The following GRWD1 variants were observed in gnomAD, a reference collection of about 807,000 sequenced individuals.
The protein encoded by GRWD1 is glutamate rich WD repeat containing 1.
In GRWD1, 29 loss-of-function variants were observed where a neutral mutation model predicts 45.3. The ratio of observed to expected loss-of-function variants is 0.64; its 90% CI spans 0.48 to 0.87. The LOEUF (loss-of-function observed/expected upper bound fraction) is 0.87, where lower values mean the gene tolerates loss of function less well. Among genes scored for constraint, GRWD1 ranks in the 40% least tolerant of loss-of-function variants. The pLI is 0.00. For missense variants in GRWD1, 592 were observed against 618.8 expected, an observed-to-expected ratio of 0.96 and a Z score of 0.46; for synonymous variants, 262 against 257.6, an observed-to-expected ratio of 1.02 and a Z score of -0.16.
At position 48,451,134 on chromosome 19, in the gene GRWD1, G is replaced by A; in HGVS notation, c.926G>A (p.Gly309Glu). Residue 309 changes from glycine (G) to glutamate (E), a missense_variant, in exon 6 of 7, where the codon GGG (glycine) becomes GAG (glutamate). Gly to Glu is a moderately conservative substitution (Grantham distance 98). Coordinates refer to ENST00000253237, the MANE Select transcript of GRWD1 (RefSeq NM_031485.4). ...CMLTTATAHD[G>E]DVNVISWSRR... Reference sequence around the variant, plus strand: ...CTCACCACAGCCACCGCCCATGATGGGGACGTCAATGTCATCAGCTGGAGC... The same window carrying A: ...CTCACCACAGCCACCGCCCATGATGAGGACGTCAATGTCATCAGCTGGAGC... 6.2e-7 allele frequency: 1 copy of A among 1,614,044 alleles called. No homozygotes were observed. Among genetic ancestry groups the A allele is most frequent in the Non-Finnish European group, 8.5e-7 (1 of 1,179,930 alleles).
chr19:48,453,229 G>C lies in GRWD1; in HGVS notation c.*204G>C, dbSNP rs1185271033. ...CACCAAAGAACTCGGTTTAACCAGG[G>C]CTCTGTAAGACCACTCCCACCCAGA... On this transcript the variant is annotated 3_prime_UTR_variant, in exon 7 of 7. Transcript: ENST00000253237. The C allele has an allele frequency of 1.8e-6, 1 of 549,806 alleles. No homozygotes were observed. The highest frequency in any genetic ancestry group is 1.9e-5 in the African/African-American group (1 of 52,568). 34.1% of individuals were successfully genotyped at this position (549,806 alleles called of 1,614,324 possible).
At position 48,446,419 on chromosome 19, in the gene GRWD1, T is replaced by C. The variant is rs1971403466; in HGVS notation, c.222T>C (p.Asp74=). 6.2e-7 allele frequency: 1 copy of C among 1,614,058 alleles called. No homozygotes were observed. Among genetic ancestry groups the C allele is most frequent in the African/African-American group, 1.3e-5 (1 of 74,914 alleles). The part of the protein sequence containing the change: ...APCLSFDIVR[D]HLGDNRTELP... ...GTCTCAGCTTTGACATAGTCCGGGA[T>C]CACCTGGGAGACAACCGGACAGAGC... Residue 74 remains aspartate, a synonymous_variant, in exon 2 of 7, where the codon GAT becomes GAC. Coordinates refer to ENST00000253237, the MANE Select transcript of GRWD1 (RefSeq NM_031485.4).
rs1440213856 is a variant in GRWD1, at chr19:48,451,062, C to G, written c.854C>G (p.Ser285Cys). ...TTTGCCTCCTGCTCAGCTGACGCCT[C>G]CATCCGCATCTGGGACATCCGGGCA... ...TVFASCSADASIRIWDIRAAP... is the reference protein window; with the variant it reads ...TVFASCSADACIRIWDIRAAP... The change falls in exon 6 of 7, where the codon TCC becomes TGC. Residue 285 changes from serine (S) to cysteine (C), a missense_variant. Physicochemically the swap from Ser to Cys is moderately radical, Grantham distance 112 (BLOSUM62 -1). Transcript: ENST00000253237. 6.2e-7 allele frequency: 1 copy of G among 1,613,912 alleles called. No homozygotes were observed. The highest frequency in any genetic ancestry group is 1.3e-5 in the African/African-American group (1 of 74,920).
chr19:48,446,271 G>A lies in GRWD1; in HGVS notation c.187+79G>A, dbSNP rs556206664. The stretch of plus-strand genomic sequence containing the variant: ...ACCTGAGAGGTGCTCGGGAAGAGAA[G>A]GCTGGGGTCTAAGAGAAGTGATTTC... On this transcript the variant is annotated intron_variant, in intron 1 of 6. Transcript: ENST00000253237. 2.6e-6 allele frequency: 4 copies of A among 1,565,402 alleles called. No individual in the cohort carries two copies. In the South Asian group the frequency reaches 3.4e-5, roughly 13 times the overall value.
In GRWD1 at chr19:48,454,871, G is replaced by GTCTCTCCCATCTCTC. The variant is rs1971520513; in HGVS notation, c.*1850_*1864dup. 6.6e-6 allele frequency: 1 copy of GTCTCTCCCATCTCTC among 151,370 alleles called. No individual in the cohort carries two copies. The highest frequency in any genetic ancestry group is 2.4e-5 in the African/African-American group (1 of 41,042). 9.4% of individuals were successfully genotyped at this position (151,370 alleles called of 1,614,324 possible). A position where few individuals can be genotyped will look rare whatever the true frequency, so the allele number is the denominator to read the frequency against. On this transcript the variant is annotated 3_prime_UTR_variant, in exon 7 of 7. Coordinates refer to ENST00000253237, the MANE Select transcript of GRWD1 (RefSeq NM_031485.4). Reference sequence around the variant, plus strand: ...GTCTCTGTCTCTCTCCCCCATCTCTGTCTCTCCCATCTCTCTCTGCCTCTC... The same window carrying GTCTCTCCCATCTCTC: ...GTCTCTGTCTCTCTCCCCCATCTCTGTCTCTCCCATCTCTCTCTCTCCCATCTCTCTCTGCCTCTC...
In GRWD1 at chr19:48,450,748, G is replaced by C. The variant is rs1287296025; in HGVS notation, c.765G>C (p.Arg255=). 6 of 1,613,934 alleles carry C rather than the reference G, an allele frequency of 3.7e-6. No homozygotes were observed. Among genetic ancestry groups the C allele is most frequent in the Admixed American group, 3.3e-5 (2 of 60,012 alleles). Reference sequence around the variant, plus strand: ...GCGGCTCCTGGCACGTGGACCAGCGGCCATTCGTGGGCCACACACGCTCTG... The same window carrying C: ...GCGGCTCCTGGCACGTGGACCAGCGCCCATTCGTGGGCCACACACGCTCTG... ...TDGGSWHVDQ[R]PFVGHTRSVE... is the part of the protein sequence containing the mutation. The change falls in exon 5 of 7, where the codon CGG becomes CGC. Residue 255 remains arginine, a synonymous_variant. Coordinates refer to ENST00000253237, the MANE Select transcript of GRWD1 (RefSeq NM_031485.4). This position sits in a 1 kb window ranked among gnomAD's most constrained non-coding sequence, Gnocchi z 5.1.
intron 3 of GRWD1, among the ~76,000 whole-genome samples, chr19:48,448,095 G>T (rs1290069637): frequency 1.3e-5 from 2 of 152,132 alleles, no homozygotes; most frequent in Non-Finnish European, 2.9e-5. Context: ...GGGATCACAA[G>T]TGCACACCAC....
rs565828207 is a variant in GRWD1 at position 48,452,770 on chromosome 19, C to T, written c.1086C>T (p.His362=). 1.0e-4 allele frequency: 162 copies of T among 1,606,398 alleles called. No homozygotes were observed. The South Asian group carries it at 1.7e-3, about 17-fold the overall frequency. ...HVAPVTSVEW[H]PQDSGVFAAS... ...CCCCCGTGACCTCCGTCGAGTGGCA[C>T]CCCCAGGACAGCGGGGTCTTTGCAG... Residue 362 remains histidine (H), a synonymous_variant, in exon 7 of 7, where the codon CAC becomes CAT. Transcript: ENST00000253237. The surrounding 1 kb of genome is among the most constrained non-coding windows in gnomAD (Gnocchi z 5.1).
chr19:48,448,176 C>T (rs1163147687), intron 3 of GRWD1, among the ~76,000 whole-genome samples: 6 of 152,128 alleles, frequency 3.9e-5, no homozygotes, highest in Non-Finnish European at 5.9e-5. Flanking sequence ...GTCTTGAACT[C>T]CTGAGCTCAA....
Position 48,455,407 on chromosome 19 carries a change from C to G in GRWD1, c.*2382C>G, listed in dbSNP as rs1041535913. ...GGAGGGTGAGGGTGGGGCCTGGGGG[C>G]GGGGCTTCTTGGCCTCAGATTAGAC... On this transcript the variant is annotated 3_prime_UTR_variant, in exon 7 of 7. Coordinates refer to ENST00000253237, the MANE Select transcript of GRWD1 (RefSeq NM_031485.4). 12 of 151,734 alleles carry G rather than the reference C, an allele frequency of 7.9e-5. No individual in the cohort carries two copies. The highest frequency in any genetic ancestry group is 2.9e-4 in the African/African-American group (12 of 41,436). The allele number at this position is 151,734 out of a possible 1,614,324, so 9.4% of individuals were successfully genotyped here. A position where few individuals can be genotyped will look rare whatever the true frequency, so the allele number is the denominator to read the frequency against.
chr19:48,453,415 G>T lies in GRWD1; in HGVS notation c.*390G>T, dbSNP rs769785843. ...TGCAGTAGCACGATCTTGGCTCACT[G>T]CAACCTCCGCCTCCTGGGTTAAAGT... On this transcript the variant is annotated 3_prime_UTR_variant, in exon 7 of 7. Coordinates refer to ENST00000253237, the MANE Select transcript of GRWD1 (RefSeq NM_031485.4). The T allele has an allele frequency of 4.2e-5, 7 of 166,920 alleles. No homozygotes were observed. The South Asian group carries it at 9.4e-4, about 22-fold the overall frequency. 10.3% of individuals were successfully genotyped at this position (166,920 alleles called of 1,614,324 possible).
In GRWD1 at chr19:48,453,069, A is replaced by G. The variant is rs760911016; in HGVS notation, c.*44A>G. On this transcript the variant is annotated 3_prime_UTR_variant, in exon 7 of 7. Coordinates refer to ENST00000253237, the MANE Select transcript of GRWD1 (RefSeq NM_031485.4). Reference sequence around the variant, plus strand: ...ATCTTGCTTCCTGCTTGGAAACTGAAGTCGAATTGGGCTCCCCTGGAAGGG... The same window carrying G: ...ATCTTGCTTCCTGCTTGGAAACTGAGGTCGAATTGGGCTCCCCTGGAAGGG... The G allele has an allele frequency of 6.6e-7, 1 of 1,518,870 alleles. No individual in the cohort carries two copies. Among genetic ancestry groups the G allele is most frequent in the Non-Finnish European group, 8.9e-7 (1 of 1,126,202 alleles). The allele number at this position is 1,518,870 out of a possible 1,614,324, so 94.1% of individuals were successfully genotyped here.
rs1971404780 is a variant in GRWD1 at position 48,446,477 on chromosome 19, CA to C, written c.281del (p.Gln94ArgfsTer10). On this transcript the variant is annotated frameshift_variant, in exon 2 of 7. Transcript: ENST00000253237. LOFTEE classifies it high-confidence loss of function. ...TACACTTTACTTGTGTGCTGGGACC[CA>C]GGCTGAGAGCGCCCAGAGCAACAGG... ...PLTLYLCAGT[Q>X]AESAQSNRLM... The C allele has an allele frequency of 6.2e-7, 1 of 1,614,134 alleles. No homozygotes were observed. Among genetic ancestry groups the C allele is most frequent in the Non-Finnish European group, 8.5e-7 (1 of 1,180,006 alleles).
chr19:48,450,536 T>G lies in GRWD1; in HGVS notation c.682+10T>G. ...TCCCCCCGGGTGACCGGTGAGTCCC[T>G]GGGGTGTTCAGGAGTCCCGGGAGGT... On this transcript the variant is annotated intron_variant, in intron 4 of 6. Transcript: ENST00000253237. This position sits in a 1 kb window ranked among gnomAD's most constrained non-coding sequence, Gnocchi z 5.1. 1.2e-6 allele frequency: 2 copies of G among 1,613,674 alleles called. No individual in the cohort carries two copies. The highest frequency in any genetic ancestry group is 2.2e-5 in the East Asian group (1 of 44,866).
intron 3 of GRWD1, among the ~76,000 whole-genome samples, chr19:48,447,115 C>A (rs989272578): frequency 1.5e-5 from 2 of 137,656 alleles, no homozygotes; most frequent in Non-Finnish European, 3.1e-5. Context: ...GCTCTGTTGT[C>A]CAGGCTGGAG....
Position 48,456,518 on chromosome 19 carries a change from G to A in GRWD1, c.*3493G>A, listed in dbSNP as rs1306065183. On this transcript the variant is annotated 3_prime_UTR_variant, in exon 7 of 7. Transcript: ENST00000253237. ...GAATGGCCAGGCTGCCTGCGTGGTTGTGGGAAGCAGGTGCAGGGCTTTGGG... is the reference window on the plus strand; with the variant it reads ...GAATGGCCAGGCTGCCTGCGTGGTTATGGGAAGCAGGTGCAGGGCTTTGGG... 5 of 152,256 alleles carry A rather than the reference G, an allele frequency of 3.3e-5. No individual in the cohort carries two copies. The highest frequency in any genetic ancestry group is 1.2e-4 in the African/African-American group (5 of 41,458). 9.4% of individuals were successfully genotyped at this position (152,256 alleles called of 1,614,324 possible).
At chr19:48,449,019 T>TAA (rs1033857388) in intron 3 of GRWD1, among the ~76,000 whole-genome samples, 1 of 152,006 alleles carries the variant, frequency 6.6e-6, no homozygotes, top group African/African-American at 2.4e-5. Context: ...TGGGGAGACT[T>TAA]ACGGTATTCA....
chr19:48,449,014 A>G (rs2048999811), intron 3 of GRWD1, among the ~76,000 whole-genome samples: 1 of 152,072 alleles, frequency 6.6e-6, no homozygotes, highest in African/African-American at 2.4e-5. Context: ...TCCTGTGGGG[A>G]GACTTACGGT....
At position 48,446,138 on chromosome 19, in the gene GRWD1, G is replaced by A; in HGVS notation, c.133G>A (p.Glu45Lys). 1 of 1,608,256 alleles carries A rather than the reference G, an allele frequency of 6.2e-7. No individual in the cohort carries two copies. The highest frequency in any genetic ancestry group is 8.5e-7 in the Non-Finnish European group (1 of 1,178,486). The change falls in exon 1 of 7, where the codon GAG (glutamate) becomes AAG (lysine). Residue 45 changes from glutamate to lysine, a missense_variant. Transcript: ENST00000253237. Reference protein sequence around the residue: ...PGRGPPLREGEELVMDEEAYV... With the variant: ...PGRGPPLREGKELVMDEEAYV... ...CCGGGGGCCGCCGCTACGCGAAGGG[G>A]AGGAGCTGGTCATGGACGAGGAGGC...
Sources: allele counts gnomAD v4.1 joint callset (sites outside exome capture counted in the v4.1 genomes callset), GRCh38; gene constraint gnomAD v4.1.1; non-coding constraint Gnocchi (gnomAD v3.1); transcripts MANE v1.5; gene names NCBI Gene and HGNC (gene_info 2026-07-23, HGNC 2026-07-21).